Variants in RADIL observed in about 807,000 individuals in gnomAD.
RADIL encodes ras-associating and dilute domain-containing protein.
A neutral mutation model predicts 97.6 loss-of-function variants in RADIL; 99 were observed. The observed-to-expected ratio is 1.01, with a 90% confidence interval of 0.86 to 1.20. RADIL has a LOEUF of 1.20. RADIL is among the 50% of genes most tolerant of loss of function. The pLI, the probability that RADIL is intolerant of heterozygous loss-of-function variation, is 0.00. For missense variants in RADIL, 1,765 were observed against 1,498.9 expected, an observed-to-expected ratio of 1.18 and a Z score of -2.93; for synonymous variants, 803 against 691.8, an observed-to-expected ratio of 1.16 and a Z score of -2.52.
At position 4,872,085 on chromosome 7, in the gene RADIL, G is replaced by A. The variant is rs887809958; in HGVS notation, c.535+5520C>T. Among the ~76,000 whole-genome samples, 9 of 152,078 alleles carry A rather than the reference G, an allele frequency of 5.9e-5. No individual in the cohort carries two copies. The highest frequency in any genetic ancestry group is 3.9e-4 in the East Asian group (2 of 5,172). On this transcript the variant is annotated intron_variant, in intron 2 of 14. Coordinates refer to ENST00000399583, the MANE Select transcript of RADIL (RefSeq NM_018059.5). The surrounding 1 kb of genome is among the most constrained non-coding windows in gnomAD (Gnocchi z 5.8). ...GAGTGGCCCAGGAGAAACAAATGTC[G>A]CCACTGTGGATCAGGCCTGAGGGCC...
In RADIL at chr7:4,799,756, C is replaced by A. The variant is rs377544919; in HGVS notation, c.2996G>T (p.Gly999Val). ...GLIDGMHTHL[G>V]APGLYIQTLL... ...GGTCTGGATGTAGAGCCCGGGGGCG[C>A]CCAGGTGCGTGTGCTGGGGACAAGC... The change falls in exon 14 of 15, where the codon GGC becomes GTC. Residue 999 changes from glycine to valine, a missense_variant. Physicochemically the swap from Gly to Val is moderately radical, Grantham distance 109 (BLOSUM62 -3). Transcript: ENST00000399583. The A allele has an allele frequency of 1.3e-6, 2 of 1,540,196 alleles. No individual in the cohort carries two copies. Among genetic ancestry groups the A allele is most frequent in the Non-Finnish European group, 1.7e-6 (2 of 1,148,436 alleles).
chr7:4,816,554 A>C, intron 7 of RADIL, 89 bp from the exon 8 acceptor site: 3 of 1,065,424 alleles, frequency 2.8e-6, no homozygotes, highest in Non-Finnish European at 4.2e-6. Flanking sequence ...CTCCCCACCC[A>C]CGCACTGCTT....
chr7:4,846,110 G>A (rs554161842), intron 2 of RADIL, among the ~76,000 whole-genome samples: 1 of 147,654 alleles, frequency 6.8e-6, no homozygotes, highest in Admixed American at 6.8e-5. Flanking sequence ...TTTTGTTCCA[G>A]AGCTACAATC....
At chr7:4,829,759 A>T (rs1054666687) in intron 5 of RADIL, among the ~76,000 whole-genome samples, 3 of 152,078 alleles carry the variant, frequency 2.0e-5, no homozygotes, top group African/African-American at 7.2e-5. Flanking sequence ...TCCCCTGAAC[A>T]CACTCTCTCG....
rs771680725 is a variant in RADIL, at chr7:4,834,732, C to T, written c.1291G>A (p.Asp431Asn). ...IMTLIEPGGD[D>N]HKLTPAFLLC... ...AGGAAGGCGGGGGTCAGCTTGTGGT[C>T]GTCGCCCCCCGGCTCGATCAACGTC... Residue 431 changes from aspartate to asparagine, a missense_variant, in exon 4 of 15, where the codon GAC becomes AAC. By Grantham distance (23) the Asp-to-Asn change is conservative (BLOSUM62 1). Coordinates refer to ENST00000399583, the MANE Select transcript of RADIL (RefSeq NM_018059.5). The surrounding 1 kb of genome is among the most constrained non-coding windows in gnomAD (Gnocchi z 6.0). 3 of 1,411,110 alleles carry T rather than the reference C, an allele frequency of 2.1e-6. No homozygotes were observed. The highest frequency in any genetic ancestry group is 1.9e-6 in the Non-Finnish European group (2 of 1,075,432). The allele number at this position is 1,411,110 out of a possible 1,614,324, so 87.4% of individuals were successfully genotyped here. A position where few individuals can be genotyped will look rare whatever the true frequency, so the allele number is the denominator to read the frequency against.
chr7:4,799,580 T>TGAGCAGGGCATCTGGGAGAAG (rs758369460), intron 14 of RADIL, 50 bp downstream of exon 14: 2 of 1,607,884 alleles, frequency 1.2e-6, no homozygotes, highest in East Asian at 2.2e-5. Context: ...TCCACTCCCC[T>TGAGCAGGGCATCTGGGAGAAG]GAGCAGGGCA....
intron 9 of RADIL, among the ~76,000 whole-genome samples, chr7:4,806,592 T>C (rs1465050947): frequency 1.3e-5 from 2 of 152,248 alleles, no homozygotes; most frequent in Non-Finnish European, 2.9e-5. Context: ...TCCATCATCA[T>C]CCTTCTGGGG....
rs1203516800 is a variant in RADIL, at chr7:4,835,044, C to T, written c.979G>A (p.Val327Ile). ...LEPIPGAHISVNFSEVGHRTV... is the reference protein window; with the variant it reads ...LEPIPGAHISINFSEVGHRTV... ...CTGTGCCCCACCTCGGAGAAGTTGACGGAGATGTGCGCCCCGGGGATGGGC... is the reference window on the plus strand; with the variant it reads ...CTGTGCCCCACCTCGGAGAAGTTGATGGAGATGTGCGCCCCGGGGATGGGC... Residue 327 changes from valine to isoleucine, a missense_variant, in exon 4 of 15, where the codon GTC becomes ATC. By Grantham distance (29) the Val-to-Ile change is conservative. Coordinates refer to ENST00000399583, the MANE Select transcript of RADIL (RefSeq NM_018059.5). The surrounding 1 kb of genome is among the most constrained non-coding windows in gnomAD (Gnocchi z 5.8). 1.2e-6 allele frequency: 2 copies of T among 1,609,370 alleles called. No individual in the cohort carries two copies. Among genetic ancestry groups the T allele is most frequent in the Non-Finnish European group, 8.5e-7 (1 of 1,178,414 alleles).
At chr7:4,874,453 C>T (rs1784323567) in intron 2 of RADIL, among the ~76,000 whole-genome samples, 3 of 152,222 alleles carry the variant, frequency 2.0e-5, no homozygotes, top group Non-Finnish European at 4.4e-5. Flanking sequence ...GTGTGCATGC[C>T]TCTACCAGCT....
At chr7:4,861,558 T>C (rs1241558023) in intron 2 of RADIL, 3 of 1,614,016 alleles carry the variant, frequency 1.9e-6, no homozygotes, top group Non-Finnish European at 2.5e-6. Flanking sequence ...TGGGGAAGAC[T>C]CTTGCTTTCA....
intron 5 of RADIL, among the ~76,000 whole-genome samples, chr7:4,831,916 C>T (rs1305170390): frequency 1.3e-5 from 2 of 152,042 alleles, no homozygotes; most frequent in Non-Finnish European, 2.9e-5. Flanking sequence ...AAAAGAAGAC[C>T]TCACCCATCC....
intron 2 of RADIL, among the ~76,000 whole-genome samples, chr7:4,875,364 G>T (rs1467374296): frequency 6.6e-6 from 1 of 151,856 alleles, no homozygotes; most frequent in Non-Finnish European, 1.5e-5. Flanking sequence ...TTGCACTCCA[G>T]CCTGGGCGAC....
chr7:4,850,961 G>C (rs1039377522), intron 2 of RADIL, among the ~76,000 whole-genome samples: 1 of 152,126 alleles, frequency 6.6e-6, no homozygotes, highest in Non-Finnish European at 1.5e-5. Flanking sequence ...CAGCACTTTG[G>C]GAGGCCAAGG....
At chr7:4,870,609 T>C in intron 2 of RADIL, among the ~76,000 whole-genome samples, 1 of 152,050 alleles carries the variant, frequency 6.6e-6, no homozygotes, top group East Asian at 1.9e-4. Context: ...GCCTGGCTAA[T>C]TTTTTTATAT....
chr7:4,877,978 C>T lies in RADIL; in HGVS notation c.162G>A (p.Glu54=), dbSNP rs747115834. Residue 54 remains glutamate (E), a synonymous_variant, in exon 2 of 15, where the codon GAG becomes GAA. Coordinates refer to ENST00000399583, the MANE Select transcript of RADIL (RefSeq NM_018059.5). ...SSLGASDDPA[E]LSTQLSAPGV... is the part of the protein sequence containing the mutation. ...CAGGGGCCGACAGCTGGGTGGAGAG[C>T]TCGGCGGGGTCATCGCTGGCGCCCA... 12 of 1,611,744 alleles carry T rather than the reference C, an allele frequency of 7.4e-6. No homozygotes were observed. Among genetic ancestry groups the T allele is most frequent in the African/African-American group, 1.3e-5 (1 of 74,924 alleles).
Position 4,871,338 on chromosome 7 carries a change from C to T in RADIL, c.535+6267G>A, listed in dbSNP as rs1784248855. Among the ~76,000 whole-genome samples, 5 of 152,338 alleles carry T rather than the reference C, an allele frequency of 3.3e-5. No homozygotes were observed. In the South Asian group the frequency reaches 6.2e-4, roughly 19 times the overall value. On this transcript the variant is annotated intron_variant, in intron 2 of 14. Transcript: ENST00000399583. ...ATGAAAACAACCACAAAGAGGTTTG[C>T]GGACAAGGGAGGACAGAACTCACGG...
Position 4,835,290 on chromosome 7 carries a change from A to G in RADIL, c.784-51T>C. ...AGGCGTAACGCGAGCAGCACACGGG[A>G]AAAGCGTCCCGTGTCTAGTCACTGG... On this transcript the variant is annotated intron_variant, in intron 3 of 14. Transcript: ENST00000399583. The surrounding 1 kb of genome is among the most constrained non-coding windows in gnomAD (Gnocchi z 5.8). 6.3e-7 allele frequency: 1 copy of G among 1,582,184 alleles called. No homozygotes were observed. The highest frequency in any genetic ancestry group is 8.5e-7 in the Non-Finnish European group (1 of 1,170,798).
At chr7:4,843,911 CAAA>C (rs36122253) in intron 2 of RADIL, among the ~76,000 whole-genome samples, 45,327 of 96,656 alleles carry the variant, frequency 0.47, 7,320 homozygotes, top group South Asian at 0.54. Context: ...GACTCCATTT[CAAA>C]AAAAAAAAAA....
chr7:4,817,019 T>C lies in RADIL; in HGVS notation c.1728+220A>G, dbSNP rs1782695929. Among the ~76,000 whole-genome samples, 2 of 152,046 alleles carry C rather than the reference T, an allele frequency of 1.3e-5. No individual in the cohort carries two copies. The highest frequency in any genetic ancestry group is 2.9e-5 in the Non-Finnish European group (2 of 67,984). ...CAAGGCGAGGGAAAGGGAGCTGGGA[T>C]GGTTCTAGGGCTTCTGTGCGACCTG... On this transcript the variant is annotated intron_variant, in intron 7 of 14. Coordinates refer to ENST00000399583, the MANE Select transcript of RADIL (RefSeq NM_018059.5). This position sits in a 1 kb window ranked among gnomAD's most constrained non-coding sequence, Gnocchi z 8.3.
Sources: allele counts gnomAD v4.1 joint callset (sites outside exome capture counted in the v4.1 genomes callset), GRCh38; gene constraint gnomAD v4.1.1; non-coding constraint Gnocchi (gnomAD v3.1); transcripts MANE v1.5; gene names NCBI Gene and HGNC (gene_info 2026-07-23, HGNC 2026-07-21).